EYA3: variants seen among roughly 807,000 people sequenced by gnomAD.
The protein encoded by EYA3 is EYA transcriptional coactivator and phosphatase 3, also known as protein phosphatase EYA3.
Under a neutral mutation model 80.0 loss-of-function variants are expected in EYA3, and 39 were observed. The observed-to-expected ratio is 0.49, with a 90% CI of 0.38 to 0.64. The LOEUF (loss-of-function observed/expected upper bound fraction) is 0.64. Ranked by LOEUF, EYA3 falls within the 30% of genes least tolerant of loss-of-function variation. The pLI, the probability that EYA3 is intolerant of heterozygous loss-of-function variation, is 0.00. For synonymous variants in EYA3, 206 were observed against 232.8 expected, an observed-to-expected ratio of 0.88 and a Z score of 1.05; for missense variants, 523 against 676.1, an observed-to-expected ratio of 0.77 and a Z score of 2.51.
At chr1:27,984,449 C>T (rs12136806) in intron 16 of EYA3, among the ~76,000 whole-genome samples, 4,729 of 152,046 alleles carry the variant, frequency 0.031, 168 homozygotes, top group African/African-American at 0.084. Context: ...CTTAAGATCA[C>T]ACAGATACTC....
At chr1:27,977,863 A>G (rs1639033658) in intron 17 of EYA3, among the ~76,000 whole-genome samples, 1 of 150,836 alleles carries the variant, frequency 6.6e-6, no homozygotes. Flanking sequence ...CAGAAAAAAA[A>G]AGAAAAAAGA....
intron 1 of EYA3, among the ~76,000 whole-genome samples, chr1:28,068,107 A>G (rs539290359): frequency 4.6e-5 from 7 of 152,182 alleles, no homozygotes; most frequent in African/African-American, 1.7e-4. Context: ...AGGCTGAGGC[A>G]GGTGGATCAC....
intron 17 of EYA3, chr1:27,977,183 C>A: frequency 6.8e-7 from 1 of 1,461,360 alleles, no homozygotes; most frequent in South Asian, 1.4e-5. Flanking sequence ...ACTTTAGAAT[C>A]AAAGCTTCAT....
chr1:27,984,440 T>C (rs1285597360), intron 16 of EYA3, among the ~76,000 whole-genome samples: 1 of 152,182 alleles, frequency 6.6e-6, no homozygotes, highest in Non-Finnish European at 1.5e-5. Context: ...CATCCTCACC[T>C]TAAGATCACA....
chr1:27,990,945 T>C (rs1640016859), intron 14 of EYA3, among the ~76,000 whole-genome samples: 1 of 151,982 alleles, frequency 6.6e-6, no homozygotes, highest in African/African-American at 2.4e-5. Context: ...GTTTTGGGGA[T>C]GTTCAGGCAA....
At chr1:28,042,548 C>T (rs2148863578) in intron 4 of EYA3, 23 bp downstream of exon 4, 1 of 1,588,352 alleles carries the variant, frequency 6.3e-7, no homozygotes, top group African/African-American at 1.3e-5. Flanking sequence ...TCTGTTCAAT[C>T]ATGCACAGAA....
intron 7 of EYA3, among the ~76,000 whole-genome samples, chr1:28,017,646 T>C (rs1642159620): frequency 6.6e-6 from 1 of 152,212 alleles, no homozygotes; most frequent in Non-Finnish European, 1.5e-5. Flanking sequence ...TGTGATATTG[T>C]TTGCTGTCAC....
intron 7 of EYA3, among the ~76,000 whole-genome samples, chr1:28,026,804 T>C (rs894686899): frequency 2.7e-5 from 4 of 150,816 alleles, no homozygotes; most frequent in African/African-American, 7.3e-5. Context: ...AAGAGGAGAC[T>C]TGGTAAACAA....
At chr1:28,047,456 G>A (rs964154271) in intron 3 of EYA3, among the ~76,000 whole-genome samples, 13 of 152,212 alleles carry the variant, frequency 8.5e-5, no homozygotes, top group Middle Eastern at 3.4e-3. Context: ...TAGAATAAAT[G>A]AGCCGGGATG....
intron 1 of EYA3, among the ~76,000 whole-genome samples, chr1:28,079,370 A>G (rs1459579696): frequency 6.6e-6 from 1 of 152,226 alleles, no homozygotes; most frequent in Non-Finnish European, 1.5e-5. Flanking sequence ...TCACCTGACC[A>G]TATACACATG....
At chr1:28,067,324 T>G (rs928949519) in intron 1 of EYA3, among the ~76,000 whole-genome samples, 1 of 152,202 alleles carries the variant, frequency 6.6e-6, no homozygotes, top group Non-Finnish European at 1.5e-5. Context: ...ACTATTTCAA[T>G]ACAAGCTTAT....
intron 10 of EYA3, chr1:28,010,677 AAATTTTAAATAGAG>A (rs1341456870): frequency 6.0e-6 from 2 of 334,360 alleles, no homozygotes; most frequent in African/African-American, 4.3e-5. Flanking sequence ...GACCCTTTTA[AAATTTTAAATAGAG>A]AACAGTATGA....
intron 1 of EYA3, among the ~76,000 whole-genome samples, chr1:28,075,925 A>G (rs1645183580): frequency 6.6e-6 from 1 of 152,166 alleles, no homozygotes; most frequent in Non-Finnish European, 1.5e-5. Context: ...TATCTAACAT[A>G]CTTACTAACA....
intron 12 of EYA3, among the ~76,000 whole-genome samples, chr1:27,999,239 T>A (rs1640664881): frequency 6.6e-6 from 1 of 152,244 alleles, no homozygotes; most frequent in Non-Finnish European, 1.5e-5. Flanking sequence ...GTGTTGGTAG[T>A]TTCCTGTGTA....
At chr1:28,074,272 C>G (rs926915604) in intron 1 of EYA3, among the ~76,000 whole-genome samples, 1 of 152,100 alleles carries the variant, frequency 6.6e-6, no homozygotes, top group African/African-American at 2.4e-5. Flanking sequence ...ATCTTAAACA[C>G]TAGAGGTAGA....
chr1:28,053,419 T>C (rs1644339387), intron 2 of EYA3, among the ~76,000 whole-genome samples: 1 of 152,178 alleles, frequency 6.6e-6, no homozygotes, highest in Admixed American at 6.5e-5. Flanking sequence ...CATTCTATTT[T>C]TGCTTCTGCT....
At chr1:28,065,218 G>A (rs1644788056) in intron 1 of EYA3, among the ~76,000 whole-genome samples, 2 of 152,212 alleles carry the variant, frequency 1.3e-5, no homozygotes, top group African/African-American at 4.8e-5. Context: ...AAACTAGCAT[G>A]AATTTCTTTT....
chr1:27,989,362 C>G (rs573537278), intron 15 of EYA3, among the ~76,000 whole-genome samples: 18 of 152,274 alleles, frequency 1.2e-4, no homozygotes, highest in East Asian at 3.9e-4. Context: ...GCTTCCTGTA[C>G]CTAGGACATT....
At chr1:28,020,185 T>G (rs1046895260) in intron 7 of EYA3, among the ~76,000 whole-genome samples, 2 of 152,204 alleles carry the variant, frequency 1.3e-5, no homozygotes, top group African/African-American at 4.8e-5. Context: ...TCTTATTATA[T>G]CCCGGCTAGA....
Sources: allele counts gnomAD v4.1 joint callset (sites outside exome capture counted in the v4.1 genomes callset), GRCh38; gene constraint gnomAD v4.1.1; transcripts MANE v1.5; gene names NCBI Gene and HGNC (gene_info 2026-07-23, HGNC 2026-07-21).